Variants in DNHD1 observed in about 807,000 individuals in gnomAD.
DNHD1 encodes dynein heavy chain domain-containing protein 1.
Under a neutral mutation model 458.1 loss-of-function variants are expected in DNHD1, and 383 were observed. The ratio of observed to expected loss-of-function variants is 0.84; its 90% CI spans 0.77 to 0.91. The LOEUF is 0.91. Among genes scored for constraint, DNHD1 ranks in the 40% least tolerant of loss-of-function variants. The probability of loss-of-function intolerance (pLI) is 0.00; values close to 1 mark genes in which losing one functional copy is unlikely to be tolerated. For synonymous variants in DNHD1, 2,203 were observed against 2,376.9 expected (o/e 0.93, Z 2.13); for missense variants, 5,336 against 5,866.1 (o/e 0.91, Z 2.95).
At chr11:6,534,196 C>T in intron 14 of DNHD1, 23 bp downstream of exon 14, 2 of 1,547,248 alleles carry the variant, frequency 1.3e-6, no homozygotes, top group Non-Finnish European at 1.7e-6. Context: ...CCTGCACCCT[C>T]CATTATCACT....
intron 10 of DNHD1, 60 bp from the exon 11 acceptor site, chr11:6,528,462 G>T: frequency 7.4e-6 from 11 of 1,479,896 alleles, no homozygotes; most frequent in African/African-American, 1.4e-5. Flanking sequence ...AAGGAGAAAG[G>T]AAGATTGTTT....
rs201959982 is a variant in DNHD1 at position 6,511,277 on chromosome 11, C to T, written c.1240C>T (p.Leu414=). ...GAGLLHISRL[L]QELHSVSWLP... ...CAGCTTAGTCCTTGATTCTAGGCTT[C>T]TGCAGGAGCTACACTCTGTGTCCTG... Residue 414 remains leucine (L), a synonymous_variant, in exon 7 of 43, where the codon CTG becomes TTG. Coordinates refer to ENST00000254579, the MANE Select transcript of DNHD1 (RefSeq NM_144666.3). 3.1e-6 allele frequency: 5 copies of T among 1,614,162 alleles called. No homozygotes were observed. The East Asian group carries it at 1.1e-4, about 36-fold the overall frequency.
chr11:6,557,354 C>T lies in DNHD1; in HGVS notation c.8059C>T (p.Gln2687Ter), dbSNP rs1473780487. The change falls in exon 25 of 43, where the codon CAG becomes TAG. Residue 2687 changes from glutamine (Q) to a stop codon, truncating the protein, a stop_gained. Coordinates refer to ENST00000254579, the MANE Select transcript of DNHD1 (RefSeq NM_144666.3). LOFTEE classifies it high-confidence loss of function. ...TGTCTTCTGCTGTGGGCCAGGGCCC[C>T]AGCACCTGGGCAAGGACCATCAGGA... ...QSVFCCGPGPQHLGKDHQESE... is the reference protein window; with the variant it reads ...QSVFCCGPGP 1.3e-6 allele frequency: 2 copies of T among 1,551,342 alleles called. No individual in the cohort carries two copies. The highest frequency in any genetic ancestry group is 1.7e-6 in the Non-Finnish European group (2 of 1,147,056).
In DNHD1 at chr11:6,538,657, G is replaced by C. The variant is rs1446774071; in HGVS notation, c.3172G>C (p.Glu1058Gln). The C allele has an allele frequency of 2.6e-6, 4 of 1,546,726 alleles. No homozygotes were observed. The Admixed American group carries it at 5.9e-5, about 23-fold the overall frequency. ...AQEKTEGWLT[E>Q]AARMSTTLEL... ...GGAGAAGACAGAGGGCTGGCTGACA[G>C]AGGCAGCACGGATGAGCACAACCCT... Residue 1058 changes from glutamate to glutamine, a missense_variant, in exon 16 of 43, where the codon GAG becomes CAG. Glu to Gln is a conservative substitution (Grantham distance 29). Coordinates refer to ENST00000254579, the MANE Select transcript of DNHD1 (RefSeq NM_144666.3).
At chr11:6,528,425 G>GTGTA in intron 10 of DNHD1, 97 bp from the exon 11 acceptor site, 1 of 1,290,138 alleles carries the variant, frequency 7.8e-7, no homozygotes, top group Non-Finnish European at 1.1e-6. Flanking sequence ...GTGTGTGTGT[G>GTGTA]TGTGTGTGTG....
chr11:6,568,590 C>G lies in DNHD1; in HGVS notation c.12661+14C>G. ...CTTCTTTGCCAGGTGAGGAGCTTAA[C>G]CCCCTACAGGCTCTCAAATTGGAAG... On this transcript the variant is annotated intron_variant, in intron 38 of 42. Coordinates refer to ENST00000254579, the MANE Select transcript of DNHD1 (RefSeq NM_144666.3). 1 of 1,613,928 alleles carries G rather than the reference C, an allele frequency of 6.2e-7. No individual in the cohort carries two copies.
At chr11:6,540,662 T>G (rs1483047747) in intron 18 of DNHD1, among the ~76,000 whole-genome samples, 1 of 152,212 alleles carries the variant, frequency 6.6e-6, no homozygotes, top group African/African-American at 2.4e-5. Context: ...AGAGAAGTCT[T>G]CTTTAGGCAG....
rs768239163 is a variant in DNHD1 at position 6,567,339 on chromosome 11, C to T, written c.11830C>T (p.Gln3944Ter). ...TGCATTGGGCGCTTTGGCTCTGCTG[C>T]AAGCAACAGGGAAAGCATCAGAGCT... ...VGALGALALL[Q>*]ATGKASELER... Residue 3944 changes from glutamine to a stop codon, truncating the protein, a stop_gained, in exon 36 of 43, where the codon CAA becomes TAA. Coordinates refer to ENST00000254579, the MANE Select transcript of DNHD1 (RefSeq NM_144666.3). LOFTEE classifies it high-confidence loss of function. 3 of 1,614,084 alleles carry T rather than the reference C, an allele frequency of 1.9e-6. No homozygotes were observed. The highest frequency in any genetic ancestry group is 3.3e-5 in the Admixed American group (2 of 60,034).
chr11:6,522,917 C>T (rs149850735), intron 10 of DNHD1, among the ~76,000 whole-genome samples: 1,699 of 152,296 alleles, frequency 0.011, 11 homozygotes, highest in Middle Eastern at 0.027. Flanking sequence ...TCTTAAACGG[C>T]GTTCTCCAAT....
chr11:6,502,934 C>A lies in DNHD1; in HGVS notation c.920+8C>A. 2 of 1,612,966 alleles carry A rather than the reference C, an allele frequency of 1.2e-6. No individual in the cohort carries two copies. Among genetic ancestry groups the A allele is most frequent in the Non-Finnish European group, 1.7e-6 (2 of 1,179,588 alleles). ...TCCCAGCCGGTACTTTAGGTGATAG[C>A]CTATGTCCAGGCCCCTTCTCCTCCC... On this transcript the variant is annotated splice_region_variant and intron_variant, in intron 4 of 42. Coordinates refer to ENST00000254579, the MANE Select transcript of DNHD1 (RefSeq NM_144666.3).
intron 24 of DNHD1, among the ~76,000 whole-genome samples, chr11:6,555,059 A>C (rs984526760): frequency 1.3e-5 from 2 of 152,252 alleles, no homozygotes; most frequent in Non-Finnish European, 2.9e-5. Flanking sequence ...CCCACCCAGC[A>C]GACTAGCTCC....
chr11:6,533,044 A>G lies in DNHD1; in HGVS notation c.2365A>G (p.Ile789Val), dbSNP rs1445580670. 4 of 1,551,572 alleles carry G rather than the reference A, an allele frequency of 2.6e-6. No individual in the cohort carries two copies. The highest frequency in any genetic ancestry group is 8.7e-7 in the Non-Finnish European group (1 of 1,147,006). Residue 789 changes from isoleucine to valine, a missense_variant, in exon 13 of 43, where the codon ATA becomes GTA. Transcript: ENST00000254579. ...QAEMESKLNS[I>V]RKDILAHVQN... ...GTCTCCAGAATCCAAGCTGAACAGC[A>G]TAAGGAAGGACATTCTTGCACACGT... is the stretch of plus-strand genomic sequence containing the variant.
rs772518108 is a variant in DNHD1 at position 6,508,861 on chromosome 11, C to CAG, written c.921-16_921-15dup. On this transcript the variant is annotated intron_variant, in intron 4 of 42. Transcript: ENST00000254579. ...CCACGTTCCCAGGGCCTTCACTGAT[C>CAG]AGAGCTCTTTTTTTAAAGGCCTTAC... 7.8e-5 allele frequency: 126 copies of CAG among 1,613,166 alleles called. No individual in the cohort carries two copies. Among genetic ancestry groups the CAG allele is most frequent in the Non-Finnish European group, 1.0e-4 (121 of 1,179,796 alleles).
chr11:6,540,991 G>A (rs1026946686), intron 18 of DNHD1, among the ~76,000 whole-genome samples: 20 of 152,190 alleles, frequency 1.3e-4, no homozygotes, highest in Non-Finnish European at 2.4e-4. Flanking sequence ...TTGCATTAAT[G>A]TATTGTCTAC....
chr11:6,566,675 C>T lies in DNHD1; in HGVS notation c.11295C>T (p.Ile3765=). Residue 3765 remains isoleucine, a synonymous_variant, in exon 35 of 43, where the codon ATC becomes ATT. Coordinates refer to ENST00000254579, the MANE Select transcript of DNHD1 (RefSeq NM_144666.3). ...EILEEQMLHE[I]LCREYPELET... ...TGGAAGAACAGATGCTGCATGAAAT[C>T]TTGTGCAGAGAGTATCCTGAACTCG... The T allele has an allele frequency of 2.5e-6, 4 of 1,613,508 alleles. No individual in the cohort carries two copies. The highest frequency in any genetic ancestry group is 3.4e-6 in the Non-Finnish European group (4 of 1,179,676).
Position 6,538,781 on chromosome 11 carries a change from A to G in DNHD1, c.3296A>G (p.Gln1099Arg), listed in dbSNP as rs1236747589. 11 of 1,529,924 alleles carry G rather than the reference A, an allele frequency of 7.2e-6. No individual in the cohort carries two copies. The South Asian group carries it at 1.4e-4, about 19-fold the overall frequency. 94.8% of individuals were successfully genotyped at this position (1,529,924 alleles called of 1,614,324 possible). A position where few individuals can be genotyped will look rare whatever the true frequency, so the allele number is the denominator to read the frequency against. The change falls in exon 16 of 43, where the codon CAG becomes CGG. Residue 1099 changes from glutamine (Q) to arginine (R), a missense_variant. By Grantham distance (43) the Gln-to-Arg change is conservative. Around this residue, in one of 4 missense-constraint regions of DNHD1, gnomAD observed 3,932 missense variants for 4,365.6 expected, o/e 0.90. Coordinates refer to ENST00000254579, the MANE Select transcript of DNHD1 (RefSeq NM_144666.3). ...ACTAAGCTGGGCAGCCTCCACCCAC[A>G]GAGCCTCAACTGCCAGTGTCTCCTG... ...LLTKLGSLHP[Q>R]SLNCQCLLRA...
At chr11:6,566,115 G>A (rs2134458251) in intron 33 of DNHD1, 124 bp downstream of exon 33, 1 of 1,472,840 alleles carries the variant, frequency 6.8e-7, no homozygotes, top group Admixed American at 2.2e-5. Context: ...TAACTATATT[G>A]AAGCGTCTTG....
At chr11:6,563,281 C>A (rs946356916) in intron 29 of DNHD1, 101 bp from the exon 30 acceptor site, 9 of 1,498,298 alleles carry the variant, frequency 6.0e-6, no homozygotes, top group Middle Eastern at 1.7e-4. Context: ...GGGGAGTGGC[C>A]TCTCATGGGG....
rs755405552 is a variant in DNHD1 at position 6,511,342 on chromosome 11, C to A, written c.1305C>A (p.Asp435Glu). The A allele has an allele frequency of 3.1e-6, 5 of 1,614,230 alleles. No homozygotes were observed. In the South Asian group the frequency reaches 4.4e-5, roughly 14 times the overall value. The change falls in exon 7 of 43, where the codon GAC becomes GAA. Residue 435 changes from aspartate to glutamate, a missense_variant. By Grantham distance (45) the Asp-to-Glu change is conservative. Coordinates refer to ENST00000254579, the MANE Select transcript of DNHD1 (RefSeq NM_144666.3). Reference sequence around the variant, plus strand: ...TGGATCGGTGCTATGAGCTGCTGGACCTGCAGACGGCTCTAGCCGAGGAGA... The same window carrying A: ...TGGATCGGTGCTATGAGCTGCTGGAACTGCAGACGGCTCTAGCCGAGGAGA... ...QELDRCYELLDLQTALAEEKH... is the reference protein window; with the variant it reads ...QELDRCYELLELQTALAEEKH...
Sources: gnomAD v4.1 joint callset for allele counts (sites outside exome capture counted in the v4.1 genomes callset) on GRCh38, gnomAD v4.1.1 for gene constraint, gnomAD v4.1.1 regional missense constraint, MANE v1.5 for transcripts, NCBI Gene and HGNC (gene_info 2026-07-23, HGNC 2026-07-21) for gene names.